Variants in IPCEF1 observed in about 807,000 individuals in gnomAD.
IPCEF1 encodes the protein interaction protein for cytohesin exchange factors 1.
In IPCEF1, 31 loss-of-function variants were observed where a neutral mutation model predicts 50.9. The ratio of observed to expected loss-of-function variants is 0.61; its 90% CI spans 0.46 to 0.82. The LOEUF (loss-of-function observed/expected upper bound fraction) is 0.82, where lower values mean the gene tolerates loss of function less well. Among genes scored for constraint, IPCEF1 ranks in the 40% least tolerant of loss-of-function variants. The probability of loss-of-function intolerance (pLI) is 0.00; values close to 1 mark genes in which losing one functional copy is unlikely to be tolerated. For synonymous variants in IPCEF1, 181 were observed against 192.0 expected (o/e 0.94, Z 0.47); for missense variants, 458 against 514.0 (o/e 0.89, Z 1.05).
intron 3 of IPCEF1, among the ~76,000 whole-genome samples, chr6:154,260,203 C>A (rs1204247067): frequency 6.6e-6 from 1 of 152,198 alleles, no homozygotes; most frequent in Non-Finnish European, 1.5e-5. Context: ...CAGGCAACAG[C>A]AAATAACTTA....
intron 1 of IPCEF1, among the ~76,000 whole-genome samples, chr6:154,321,808 C>CAAAG (rs1783388272): frequency 8.3e-6 from 1 of 120,016 alleles, no homozygotes; most frequent in Non-Finnish European, 1.8e-5. Context: ...AAAAAAAAAC[C>CAAAG]AAGGAACCTT....
intron 1 of IPCEF1, among the ~76,000 whole-genome samples, chr6:154,316,528 C>G (rs992786403): frequency 6.6e-6 from 1 of 152,052 alleles, no homozygotes; most frequent in Non-Finnish European, 1.5e-5. Flanking sequence ...ACAGAAAAAC[C>G]AATACTGCAT....
chr6:154,295,602 G>A (rs1315556020), intron 1 of IPCEF1, among the ~76,000 whole-genome samples: 2 of 152,220 alleles, frequency 1.3e-5, no homozygotes, highest in African/African-American at 4.8e-5. Context: ...ACAAGGATCT[G>A]CTGCCTCTTC....
chr6:154,211,838 T>G (rs1392314628), intron 9 of IPCEF1, among the ~76,000 whole-genome samples: 1 of 152,070 alleles, frequency 6.6e-6, no homozygotes, highest in Non-Finnish European at 1.5e-5. Context: ...GACAAAGGAC[T>G]AACACATAGA....
At chr6:154,284,818 A>G (rs11965871) in intron 2 of IPCEF1, among the ~76,000 whole-genome samples, 12,745 of 152,068 alleles carry the variant, frequency 0.084, 936 homozygotes, top group African/African-American at 0.2. Context: ...TGGCCAACAT[A>G]GTGAAACCCC....
chr6:154,162,645 G>A (rs1054694412), intron 11 of IPCEF1, among the ~76,000 whole-genome samples: 4 of 152,036 alleles, frequency 2.6e-5, no homozygotes, highest in Admixed American at 2.0e-4. Context: ...TCCTTGTCAC[G>A]CCACCTCTTC....
At chr6:154,355,033 CACACACACACACCAT>C (rs1354372900) in intron 1 of IPCEF1, among the ~76,000 whole-genome samples, 2 of 79,098 alleles carry the variant, frequency 2.5e-5, no homozygotes, top group Non-Finnish European at 5.8e-5. Flanking sequence ...CACACACACA[CACACACACACACCAT>C]TTGCCACATT....
chr6:154,260,461 T>C (rs1781568645), intron 3 of IPCEF1, among the ~76,000 whole-genome samples: 1 of 141,050 alleles, frequency 7.1e-6, no homozygotes, highest in Non-Finnish European at 1.5e-5. Context: ...CTAAAATCTA[T>C]CTAAGACCAG....
In IPCEF1 at chr6:154,199,661, G is replaced by A; in HGVS notation, c.910+7C>T. The A allele has an allele frequency of 6.3e-7, 1 of 1,586,002 alleles. No homozygotes were observed. The highest frequency in any genetic ancestry group is 8.6e-7 in the Non-Finnish European group (1 of 1,166,270). On this transcript the variant is annotated splice_region_variant and intron_variant, in intron 10 of 11. Transcript: ENST00000367220. ...TCTAACGAAGAATAAATAATTTATT[G>A]GTTTACCTTTGTCCATGATCTTTGA...
intron 5 of IPCEF1, among the ~76,000 whole-genome samples, chr6:154,243,038 G>A (rs1204798024): frequency 1.3e-5 from 2 of 152,180 alleles, no homozygotes; most frequent in African/African-American, 4.8e-5. Context: ...AATTGGATAG[G>A]AGAAAGACTT....
At chr6:154,311,253 C>T (rs1783071936) in intron 1 of IPCEF1, among the ~76,000 whole-genome samples, 1 of 152,214 alleles carries the variant, frequency 6.6e-6, no homozygotes, top group Non-Finnish European at 1.5e-5. Flanking sequence ...CCCTGCAGCA[C>T]AGGATCCCAT....
intron 5 of IPCEF1, among the ~76,000 whole-genome samples, chr6:154,229,692 C>T (rs1779573689): frequency 6.6e-6 from 1 of 152,120 alleles, no homozygotes; most frequent in Admixed American, 6.5e-5. Flanking sequence ...CATATAATTG[C>T]CATACAACTG....
intron 3 of IPCEF1, among the ~76,000 whole-genome samples, chr6:154,264,747 C>T (rs893325128): frequency 6.6e-6 from 1 of 152,078 alleles, no homozygotes; most frequent in South Asian, 2.1e-4. Flanking sequence ...GAATGAGCAC[C>T]GGAATTAAAG....
At chr6:154,301,378 G>A (rs1782791523) in intron 1 of IPCEF1, among the ~76,000 whole-genome samples, 1 of 152,190 alleles carries the variant, frequency 6.6e-6, no homozygotes, top group East Asian at 1.9e-4. Context: ...TTGGGCACAA[G>A]GGTTGAGGCT....
At chr6:154,242,804 C>A (rs1262868817) in intron 5 of IPCEF1, among the ~76,000 whole-genome samples, 1 of 152,080 alleles carries the variant, frequency 6.6e-6, no homozygotes, top group Non-Finnish European at 1.5e-5. Context: ...ATGAGAATCG[C>A]TTGATCCTGG....
chr6:154,276,207 AAGAG>A (rs905369867), intron 2 of IPCEF1, among the ~76,000 whole-genome samples: 1 of 151,344 alleles, frequency 6.6e-6, no homozygotes, highest in East Asian at 1.9e-4. Flanking sequence ...GAAAGAGAAA[AAGAG>A]AGAGAGAGAG....
chr6:154,171,073 C>A (rs1799831549), intron 10 of IPCEF1, among the ~76,000 whole-genome samples: 1 of 152,108 alleles, frequency 6.6e-6, no homozygotes, highest in African/African-American at 2.4e-5. Context: ...TTGTCCATTT[C>A]TCATGGAGTT....
At chr6:154,277,896 G>C (rs1782104285) in intron 2 of IPCEF1, among the ~76,000 whole-genome samples, 1 of 151,798 alleles carries the variant, frequency 6.6e-6, no homozygotes, top group South Asian at 2.1e-4. Context: ...GGTCCGCCCA[G>C]CTTCCTGTGG....
intron 10 of IPCEF1, among the ~76,000 whole-genome samples, chr6:154,193,366 G>A (rs980644546): frequency 2.6e-5 from 4 of 152,268 alleles, no homozygotes; most frequent in Admixed American, 2.6e-4. Context: ...CGGGGGAAAG[G>A]ATAAGAGTGA....
Sources: gnomAD v4.1 joint callset for allele counts (sites outside exome capture counted in the v4.1 genomes callset) on GRCh38, gnomAD v4.1.1 for gene constraint, MANE v1.5 for transcripts, NCBI Gene and HGNC (gene_info 2026-07-23, HGNC 2026-07-21) for gene names.